Variants in DGKB observed in about 807,000 individuals in gnomAD.
The protein encoded by DGKB is diacylglycerol kinase beta.
In DGKB, 67 loss-of-function variants were observed where a neutral mutation model predicts 114.3. The observed-to-expected ratio is 0.59, with a 90% CI of 0.48 to 0.72. The LOEUF is 0.72. Among genes scored for constraint, DGKB ranks in the 30% least tolerant of loss-of-function variants. DGKB has a pLI of 0.00. For synonymous variants in DGKB, 398 were observed against 323.1 expected (o/e 1.23, Z -2.49); for missense variants, 907 against 975.2 (o/e 0.93, Z 0.93).
chr7:14,400,843 A>C lies in DGKB; in HGVS notation c.1836-55452T>G, dbSNP rs1288804006. On this transcript the variant is annotated intron_variant, in intron 21 of 25. Transcript: ENST00000402815. The stretch of plus-strand genomic sequence containing the variant: ...GAAAAACAGAAATGCCAAGAGGGAG[A>C]GACCTCTTAGATATACCCTTGAAAA... Among the ~76,000 whole-genome samples the C allele has an allele frequency of 2.6e-5, 4 of 151,776 alleles. No homozygotes were observed. In the Admixed American group the frequency reaches 2.6e-4, roughly 10 times the overall value.
At chr7:14,207,470 G>A (rs1787020296) in intron 23 of DGKB, among the ~76,000 whole-genome samples, 1 of 151,992 alleles carries the variant, frequency 6.6e-6, no homozygotes, top group Non-Finnish European at 1.5e-5. Flanking sequence ...CCTGTGCCCA[G>A]CTTCTCTGTG....
chr7:14,259,379 TTCTCTCTCTCTC>T (rs752185464), intron 23 of DGKB, among the ~76,000 whole-genome samples: 15 of 142,286 alleles, frequency 1.1e-4, no homozygotes, highest in Non-Finnish European at 2.0e-4. Flanking sequence ...CTAGTAAAGT[TTCTCTCTCTCTC>T]TCTCTCTCTC....
intron 20 of DGKB, among the ~76,000 whole-genome samples, chr7:14,523,361 T>C (rs563462200): frequency 6.6e-6 from 1 of 152,318 alleles, no homozygotes; most frequent in South Asian, 2.1e-4. Flanking sequence ...GACTACATTA[T>C]TTCCAATAGC....
intron 14 of DGKB, among the ~76,000 whole-genome samples, chr7:14,629,681 G>A (rs1432707527): frequency 1.3e-5 from 2 of 151,866 alleles, no homozygotes; most frequent in Non-Finnish European, 2.9e-5. Flanking sequence ...ATAATGTTGT[G>A]GCAATGCTTA....
intron 1 of DGKB, among the ~76,000 whole-genome samples, chr7:14,919,097 C>CACACAA (rs1554345181): frequency 1.1e-3 from 113 of 98,432 alleles, no homozygotes; most frequent in East Asian, 4.0e-3. Flanking sequence ...CACACACAAA[C>CACACAA]ACACACACAC....
chr7:14,943,637 A>AACAC (rs563726736), intron 1 of DGKB, among the ~76,000 whole-genome samples: 1 of 151,468 alleles, frequency 6.6e-6, no homozygotes, highest in Non-Finnish European at 1.5e-5. Context: ...TTTGAAGTGA[A>AACAC]ACACACACAC....
chr7:14,165,523 T>A (rs933959303), intron 25 of DGKB, among the ~76,000 whole-genome samples: 1 of 152,230 alleles, frequency 6.6e-6, no homozygotes, highest in East Asian at 1.9e-4. Context: ...TAGGCTTTAG[T>A]AGCTTCTAGT....
At chr7:14,569,900 T>A (rs1291126705) in intron 20 of DGKB, among the ~76,000 whole-genome samples, 25 of 151,682 alleles carry the variant, frequency 1.6e-4, no homozygotes, top group Admixed American at 1.5e-3. Flanking sequence ...ATTTTCTTTA[T>A]ATAGGTCATG....
intron 20 of DGKB, among the ~76,000 whole-genome samples, chr7:14,557,077 C>G (rs1159012535): frequency 1.3e-5 from 2 of 152,080 alleles, no homozygotes; most frequent in African/African-American, 4.8e-5. Context: ...ATTCTCAGCC[C>G]CCGTCCCCAA....
chr7:14,276,336 C>T (rs929955151), intron 23 of DGKB, among the ~76,000 whole-genome samples: 5 of 152,086 alleles, frequency 3.3e-5, no homozygotes, highest in African/African-American at 1.2e-4. Context: ...ATATTTCTTG[C>T]TATTGTACTT....
chr7:14,805,822 T>C (rs1159537485), intron 2 of DGKB, among the ~76,000 whole-genome samples: 5 of 150,790 alleles, frequency 3.3e-5, no homozygotes, highest in Non-Finnish European at 7.4e-5. Context: ...AAAACTTCCA[T>C]ATAGAGTAAT....
chr7:14,343,200 A>ACACAC (rs1562972962), intron 22 of DGKB, among the ~76,000 whole-genome samples: 1,258 of 54,628 alleles, frequency 0.023, 21 homozygotes, highest in African/African-American at 0.057. Flanking sequence ...CACACACACA[A>ACACAC]CAAGATATGC....
intron 25 of DGKB, among the ~76,000 whole-genome samples, chr7:14,173,941 A>T (rs913298156): frequency 1.3e-5 from 2 of 152,222 alleles, no homozygotes; most frequent in African/African-American, 4.8e-5. Flanking sequence ...AAGTCATGAT[A>T]GTTAACAGGT....
intron 1 of DGKB, among the ~76,000 whole-genome samples, chr7:14,879,953 T>A (rs1435499625): frequency 1.3e-5 from 2 of 152,192 alleles, no homozygotes; most frequent in African/African-American, 4.8e-5. Context: ...TCCTATTACT[T>A]AGCATTTCTC....
At chr7:14,876,312 TAC>T (rs1323273387) in intron 1 of DGKB, among the ~76,000 whole-genome samples, 6 of 152,204 alleles carry the variant, frequency 3.9e-5, no homozygotes, top group African/African-American at 1.4e-4. Context: ...ACTGCAAAAC[TAC>T]AGTGAGCTGC....
At chr7:14,723,284 G>A (rs1331890864) in intron 5 of DGKB, among the ~76,000 whole-genome samples, 1 of 152,138 alleles carries the variant, frequency 6.6e-6, no homozygotes, top group African/African-American at 2.4e-5. Flanking sequence ...AGCCTCTGGT[G>A]AGGAAGCTCA....
chr7:14,337,719 A>G lies in DGKB; in HGVS notation c.2122+796T>C, dbSNP rs114236176. Among the ~76,000 whole-genome samples the G allele has an allele frequency of 3.1e-3, 477 of 152,272 alleles. 3 individuals carry two copies. The highest frequency in any genetic ancestry group is 9.6e-3 in the African/African-American group (399 of 41,572). On this transcript the variant is annotated intron_variant, in intron 23 of 25. Coordinates refer to ENST00000402815, the MANE Select transcript of DGKB (RefSeq NM_001350709.2). ...GTCCTTGCTACACTGAGCTGAGACA[A>G]CATGTTTTGATTTCTCAATGTCATC...
In DGKB at chr7:14,694,057, C is replaced by T. The variant is rs752879836; in HGVS notation, c.711+18G>A. ...ACTGACTCACCACCAGGCCACCCTC[C>T]TCTGTGGAAATGCTTACATTTTCTA... On this transcript the variant is annotated intron_variant, in intron 9 of 25. Transcript: ENST00000402815. The T allele has an allele frequency of 8.3e-6, 13 of 1,566,672 alleles. No individual in the cohort carries two copies. In the East Asian group the frequency reaches 3.0e-4, roughly 36 times the overall value.
chr7:14,961,732 G>T, intron 1 of DGKB, among the ~76,000 whole-genome samples: 1 of 152,080 alleles, frequency 6.6e-6, no homozygotes, highest in Non-Finnish European at 1.5e-5. Flanking sequence ...TGTTGGGCTG[G>T]TAGATTTTAT....
Sources: gnomAD v4.1 joint callset for allele counts (sites outside exome capture counted in the v4.1 genomes callset) on GRCh38, gnomAD v4.1.1 for gene constraint, MANE v1.5 for transcripts, NCBI Gene and HGNC (gene_info 2026-07-23, HGNC 2026-07-21) for gene names.